Variants in ARHGAP10 observed in about 807,000 individuals in gnomAD.
ARHGAP10 encodes rho GTPase-activating protein 10.
Under a neutral mutation model 108.6 loss-of-function variants are expected in ARHGAP10, and 87 were observed. That is an observed-to-expected ratio of 0.80 (90% CI 0.67 to 0.96). ARHGAP10 has a LOEUF of 0.96. Among genes scored for constraint, ARHGAP10 ranks in the 40% least tolerant of loss-of-function variants. The pLI is 0.00. For missense variants in ARHGAP10, 939 were observed against 954.5 expected, an observed-to-expected ratio of 0.98 and a Z score of 0.21; for synonymous variants, 347 against 341.1, an observed-to-expected ratio of 1.02 and a Z score of -0.19.
intron 18 of ARHGAP10, among the ~76,000 whole-genome samples, chr4:147,984,030 T>A (rs959682731): frequency 3.9e-5 from 6 of 152,332 alleles, no homozygotes; most frequent in African/African-American, 1.4e-4. Flanking sequence ...GTGTGATTGT[T>A]TGGCTACGTT....
chr4:147,927,535 G>T, intron 13 of ARHGAP10, among the ~76,000 whole-genome samples: 1 of 152,072 alleles, frequency 6.6e-6, no homozygotes, highest in East Asian at 1.9e-4. Context: ...CATAAAACTC[G>T]GTAGCTGAGC....
chr4:148,020,332 A>G (rs1018622303), intron 18 of ARHGAP10, among the ~76,000 whole-genome samples: 2 of 152,046 alleles, frequency 1.3e-5, no homozygotes, highest in African/African-American at 4.8e-5. Context: ...CTACATGTAC[A>G]GGATTTGCAG....
At chr4:148,059,987 AGAGAGAGGG>A (rs1288830517) in intron 20 of ARHGAP10, among the ~76,000 whole-genome samples, 31 of 143,424 alleles carry the variant, frequency 2.2e-4, no homozygotes, top group Admixed American at 1.8e-3. Context: ...AGAGAGAGAG[AGAGAGAGGG>A]GAGAGAGAGG....
intron 1 of ARHGAP10, 68 bp from the exon 2 acceptor site, chr4:147,822,659 A>G (rs1732553429): frequency 1.4e-6 from 2 of 1,473,392 alleles, no homozygotes; most frequent in African/African-American, 2.8e-5. Context: ...AATTTTAGGA[A>G]GAATAAATTT....
chr4:148,048,221 C>A (rs142472760), intron 20 of ARHGAP10, among the ~76,000 whole-genome samples: 68 of 152,316 alleles, frequency 4.5e-4, no homozygotes, highest in Middle Eastern at 3.4e-3. Context: ...ATTCTGGGGA[C>A]TTTAAATGGA....
At chr4:147,773,201 C>T (rs1220163750) in intron 1 of ARHGAP10, among the ~76,000 whole-genome samples, 4 of 152,112 alleles carry the variant, frequency 2.6e-5, no homozygotes, top group Admixed American at 2.6e-4. Flanking sequence ...AACATGCTGA[C>T]TTCTTGTAGG....
chr4:148,026,430 G>A (rs1283505181), intron 19 of ARHGAP10, among the ~76,000 whole-genome samples: 1 of 152,080 alleles, frequency 6.6e-6, no homozygotes, highest in South Asian at 2.1e-4. Context: ...TCCCAATTGA[G>A]AGATGACCAG....
At chr4:147,743,370 C>G (rs999900524) in intron 1 of ARHGAP10, among the ~76,000 whole-genome samples, 4 of 152,136 alleles carry the variant, frequency 2.6e-5, no homozygotes, top group African/African-American at 9.7e-5. Context: ...GAATCAAAGG[C>G]AGCACAGCAA....
intron 13 of ARHGAP10, among the ~76,000 whole-genome samples, chr4:147,930,479 G>A (rs1386385640): frequency 6.6e-6 from 1 of 152,152 alleles, no homozygotes; most frequent in East Asian, 1.9e-4. Flanking sequence ...GAAAAGATAA[G>A]AAAGAACTTC....
chr4:147,971,704 G>A lies in ARHGAP10; in HGVS notation c.1716+4865G>A, dbSNP rs546913708. ...AGGAGATGAGATTGGAAAGAGATTC[G>A]GGCCAGGTGTGGGAGGTTGAGAATG... On this transcript the variant is annotated intron_variant, in intron 18 of 22. Coordinates refer to ENST00000336498, the MANE Select transcript of ARHGAP10 (RefSeq NM_024605.4). 9.9e-5 allele frequency among the ~76,000 whole-genome samples: 15 copies of A among 152,242 alleles called. No homozygotes were observed. The South Asian group carries it at 2.7e-3, about 27-fold the overall frequency.
At chr4:148,005,876 A>G (rs1171026733) in intron 18 of ARHGAP10, among the ~76,000 whole-genome samples, 1 of 152,218 alleles carries the variant, frequency 6.6e-6, no homozygotes, top group Non-Finnish European at 1.5e-5. Flanking sequence ...TACTTTGGGA[A>G]TGATTATTTT....
At chr4:148,066,371 T>C (rs1197286103) in intron 22 of ARHGAP10, among the ~76,000 whole-genome samples, 1 of 152,222 alleles carries the variant, frequency 6.6e-6, no homozygotes, top group Non-Finnish European at 1.5e-5. Flanking sequence ...ACACGGGGTA[T>C]AGGATACCTG....
intron 7 of ARHGAP10, among the ~76,000 whole-genome samples, chr4:147,872,673 G>A (rs1734882304): frequency 6.6e-6 from 1 of 152,174 alleles, no homozygotes; most frequent in South Asian, 2.1e-4. Context: ...GATATACTGT[G>A]TTCTTACAAT....
At chr4:147,820,793 G>C (rs113148060) in intron 1 of ARHGAP10, among the ~76,000 whole-genome samples, 2,124 of 152,020 alleles carry the variant, frequency 0.014, 52 homozygotes, top group African/African-American at 0.049. Flanking sequence ...GTTTCACCAT[G>C]TTGGCTGGGC....
chr4:147,842,518 A>G (rs1334860899), intron 3 of ARHGAP10, among the ~76,000 whole-genome samples: 1 of 152,078 alleles, frequency 6.6e-6, no homozygotes, highest in Admixed American at 6.6e-5. Flanking sequence ...AGACCATCCG[A>G]TATCTCTAGC....
At chr4:147,843,550 G>A (rs887388576) in intron 3 of ARHGAP10, among the ~76,000 whole-genome samples, 1 of 151,846 alleles carries the variant, frequency 6.6e-6, no homozygotes, top group African/African-American at 2.4e-5. Flanking sequence ...TCTTTGAGAC[G>A]GAGTTTCGCT....
At chr4:147,976,509 A>G (rs897294839) in intron 18 of ARHGAP10, among the ~76,000 whole-genome samples, 2 of 148,860 alleles carry the variant, frequency 1.3e-5, no homozygotes, top group Non-Finnish European at 3.0e-5. Context: ...CTTGTTTGGC[A>G]TTGCTATGAA....
rs11381308 is a variant in ARHGAP10 at position 147,828,880 on chromosome 4, G to GTT, written c.312+5936_312+5937dup. Among the ~76,000 whole-genome samples, 855 of 144,988 alleles carry GTT rather than the reference G, an allele frequency of 5.9e-3. 5 individuals are homozygous for GTT. The highest frequency in any genetic ancestry group is 7.2e-3 in the Middle Eastern group (2 of 276). On this transcript the variant is annotated intron_variant, in intron 3 of 22. Coordinates refer to ENST00000336498, the MANE Select transcript of ARHGAP10 (RefSeq NM_024605.4). Reference sequence around the variant, plus strand: ...CCTCACCCTTTAAAAAGTCAAGATAGTTTTTTTTTTTTTTGAGATGGAGTT... The same window carrying GTT: ...CCTCACCCTTTAAAAAGTCAAGATAGTTTTTTTTTTTTTTTTGAGATGGAGTT...
intron 1 of ARHGAP10, among the ~76,000 whole-genome samples, chr4:147,746,457 G>A (rs1230572095): frequency 1.3e-5 from 2 of 150,472 alleles, no homozygotes; most frequent in South Asian, 2.1e-4. Flanking sequence ...CTGGAATGCA[G>A]CGGCGCGATC....
Sources: allele counts gnomAD v4.1 joint callset (sites outside exome capture counted in the v4.1 genomes callset), GRCh38; gene constraint gnomAD v4.1.1; transcripts MANE v1.5; gene names NCBI Gene and HGNC (gene_info 2026-07-23, HGNC 2026-07-21).